The following RNF182 variants were observed in gnomAD, a reference collection of about 807,000 sequenced individuals.
RNF182 encodes the protein E3 ubiquitin-protein ligase RNF182.
A neutral mutation model predicts 14.4 loss-of-function variants in RNF182; 15 were observed. The observed-to-expected ratio is 1.04, with a 90% CI of 0.70 to 1.60. The LOEUF (loss-of-function observed/expected upper bound fraction) is 1.60, where lower values mean the gene tolerates loss of function less well. RNF182 is among the 40% of genes most tolerant of loss of function. The pLI is 0.00. For missense variants in RNF182, 268 were observed against 294.8 expected, an observed-to-expected ratio of 0.91 and a Z score of 0.67; for synonymous variants, 128 against 122.9, an observed-to-expected ratio of 1.04 and a Z score of -0.27.
intron 1 of RNF182, among the ~76,000 whole-genome samples, chr6:13,938,175 ATT>A (rs1169253099): frequency 3.2e-5 from 3 of 92,698 alleles, no homozygotes; most frequent in African/African-American, 4.3e-5. Context: ...AATTTTTTGT[ATT>A]TTTTTTTTTT....
intron 1 of RNF182, among the ~76,000 whole-genome samples, chr6:13,952,324 A>C (rs1277297656): frequency 6.6e-6 from 1 of 152,130 alleles, no homozygotes; most frequent in Non-Finnish European, 1.5e-5. Flanking sequence ...TTGTCCCACT[A>C]TCCTGTACAT....
chr6:13,961,380 T>G (rs1032716642), intron 1 of RNF182: 4 of 152,212 alleles, frequency 2.6e-5, no homozygotes, highest in African/African-American at 9.6e-5. Flanking sequence ...CACAACCACT[T>G]TGTGAGGCAG....
chr6:13,956,061 G>T (rs1466034686), intron 1 of RNF182, among the ~76,000 whole-genome samples: 2 of 152,132 alleles, frequency 1.3e-5, no homozygotes, highest in Admixed American at 1.3e-4. Flanking sequence ...TCTGTGCCTG[G>T]CTTCTTTCAC....
At chr6:13,924,736 A>T (rs1188263492), upstream of RNF182, 1 of 151,740 alleles carries the variant, frequency 6.6e-6, no homozygotes, top group Non-Finnish European at 1.5e-5. Context: ...GGGGAGAAAC[A>T]GGCGGTTTGT....
Position 13,977,905 on chromosome 6 carries a change from T to G in RNF182, c.*42T>G. The G allele has an allele frequency of 1.3e-6, 2 of 1,531,602 alleles. No individual in the cohort carries two copies. Among genetic ancestry groups the G allele is most frequent in the Non-Finnish European group, 1.8e-6 (2 of 1,137,718 alleles). 94.9% of individuals were successfully genotyped at this position (1,531,602 alleles called of 1,614,324 possible). On this transcript the variant is annotated 3_prime_UTR_variant, in exon 3 of 3. Coordinates refer to ENST00000488300, the MANE Select transcript of RNF182 (RefSeq NM_152737.4). ...GAAATTGGACACACATTGCCCTGTT[T>G]GAGTGTGAAGTTAGATAATTTATAA... is the stretch of plus-strand genomic sequence containing the variant.
At position 13,977,655 on chromosome 6, in the gene RNF182, A is replaced by G; in HGVS notation, c.536A>G (p.Gln179Arg). The G allele has an allele frequency of 6.2e-7, 1 of 1,614,188 alleles. No homozygotes were observed. Among genetic ancestry groups the G allele is most frequent in the Non-Finnish European group, 8.5e-7 (1 of 1,180,026 alleles). ...TVWNCTSLLF[Q>R]TSIRVLVWLL... ...TGGAACTGCACGTCCCTGCTGTTTC[A>G]GACATCCATCCGGGTGTTAGTGTGG... is the stretch of plus-strand genomic sequence containing the variant. Residue 179 changes from glutamine (Q) to arginine (R), a missense_variant, in exon 3 of 3, where the codon CAG (glutamine) becomes CGG (arginine). Gln to Arg is a conservative substitution (Grantham distance 43, BLOSUM62 1). Coordinates refer to ENST00000488300, the MANE Select transcript of RNF182 (RefSeq NM_152737.4).
rs188642192 is a variant in RNF182 at position 13,943,035 on chromosome 6, T to C, written c.-367+18012T>C. ...TATTCTTTGTCTTTTCTGAAATTCT[T>C]ATTTGGTAGATTAGTAGATACAAAC... On this transcript the variant is annotated intron_variant, in intron 1 of 2. Coordinates refer to ENST00000488300, the MANE Select transcript of RNF182 (RefSeq NM_152737.4). 2.8e-4 allele frequency among the ~76,000 whole-genome samples: 43 copies of C among 152,354 alleles called. No homozygotes were observed. In the East Asian group the frequency reaches 7.3e-3, roughly 26 times the overall value.
intron 2 of RNF182, among the ~76,000 whole-genome samples, chr6:13,975,608 T>C (rs780510044): frequency 9.9e-5 from 15 of 152,216 alleles, no homozygotes; most frequent in Non-Finnish European, 1.9e-4. Flanking sequence ...AATTAAAGTC[T>C]TAAAATGAAG....
intron 1 of RNF182, among the ~76,000 whole-genome samples, chr6:13,973,696 G>A (rs1760253346): frequency 6.6e-6 from 1 of 152,142 alleles, no homozygotes; most frequent in Admixed American, 6.5e-5. Context: ...GGCCTCCCCA[G>A]CCATGTGGAA....
chr6:13,946,728 C>T (rs1314206773), intron 1 of RNF182, among the ~76,000 whole-genome samples: 2 of 152,104 alleles, frequency 1.3e-5, no homozygotes, highest in African/African-American at 4.8e-5. Flanking sequence ...GACACATTTC[C>T]CCCCTCCCAT....
rs558191672 is a variant in RNF182, at chr6:13,972,032, G to A, written c.-366-2178G>A. Among the ~76,000 whole-genome samples the A allele has an allele frequency of 2.0e-5, 3 of 152,286 alleles. No individual in the cohort carries two copies. In the East Asian group the frequency reaches 5.8e-4, roughly 29 times the overall value. On this transcript the variant is annotated intron_variant, in intron 1 of 2. Coordinates refer to ENST00000488300, the MANE Select transcript of RNF182 (RefSeq NM_152737.4). ...GGGAAACAGAGCGGCTGGGTGCAGT[G>A]GCTCATGCCTGTAATCCCAGCACCT...
At chr6:13,974,105 TAAAATC>T (rs1760263660) in intron 1 of RNF182, 99 bp from the exon 2 acceptor site, 1 of 152,204 alleles carries the variant, frequency 6.6e-6, no homozygotes, top group Admixed American at 6.5e-5. Flanking sequence ...TGAGGGATCT[TAAAATC>T]ATAATAAGAT....
chr6:13,960,780 G>A (rs891710639), intron 1 of RNF182, among the ~76,000 whole-genome samples: 12 of 151,928 alleles, frequency 7.9e-5, no homozygotes, highest in African/African-American at 2.7e-4. Context: ...TGAAATTGTA[G>A]AAATGGTACA....
intron 1 of RNF182, among the ~76,000 whole-genome samples, chr6:13,941,716 C>G (rs540152869): frequency 6.6e-6 from 1 of 151,892 alleles, no homozygotes; most frequent in East Asian, 1.9e-4. Context: ...GACTGTTATC[C>G]TAGAGATTAT....
chr6:13,929,375 C>A (rs1233342433), intron 1 of RNF182, among the ~76,000 whole-genome samples: 2 of 152,180 alleles, frequency 1.3e-5, no homozygotes, highest in Admixed American at 6.5e-5. Flanking sequence ...ATAATTTGAT[C>A]ACCATGTGAT....
chr6:13,954,341 G>A (rs1759676571), intron 1 of RNF182, among the ~76,000 whole-genome samples: 1 of 152,114 alleles, frequency 6.6e-6, no homozygotes, highest in African/African-American at 2.4e-5. Flanking sequence ...TTATTGTCTT[G>A]TAAATTCTCC....
chr6:13,943,719 GC>G (rs1759358099), intron 1 of RNF182, among the ~76,000 whole-genome samples: 2 of 152,178 alleles, frequency 1.3e-5, no homozygotes. Flanking sequence ...AAGTTTTGCA[GC>G]CGACACTTTT....
At chr6:13,963,751 G>A (rs529258797) in intron 1 of RNF182, among the ~76,000 whole-genome samples, 2 of 152,226 alleles carry the variant, frequency 1.3e-5, no homozygotes, top group East Asian at 3.9e-4. Context: ...TCTTAATGTT[G>A]GTCAAAGCAA....
chr6:13,955,908 C>A (rs773086967), intron 1 of RNF182, among the ~76,000 whole-genome samples: 9 of 152,000 alleles, frequency 5.9e-5, no homozygotes, highest in African/African-American at 1.2e-4. Context: ...CATTTTCATA[C>A]CTTTATTAGG....
Sources: gnomAD v4.1 joint callset for allele counts (sites outside exome capture counted in the v4.1 genomes callset) on GRCh38, gnomAD v4.1.1 for gene constraint, MANE v1.5 for transcripts, NCBI Gene and HGNC (gene_info 2026-07-23, HGNC 2026-07-21) for gene names.